DPP6: variants seen among roughly 807,000 people sequenced by gnomAD.
The protein encoded by DPP6 is A-type potassium channel modulatory protein DPP6.
A neutral mutation model predicts 122.6 loss-of-function variants in DPP6; 69 were observed. That is an observed-to-expected ratio of 0.56 (90% CI 0.46 to 0.69). The LOEUF (loss-of-function observed/expected upper bound fraction) is 0.69. Among genes scored for constraint, DPP6 ranks in the 30% least tolerant of loss-of-function variants. DPP6 has a pLI of 0.00. For missense variants in DPP6, 928 were observed against 1,116.9 expected (o/e 0.83, Z 2.41); for synonymous variants, 418 against 433.1 (o/e 0.97, Z 0.43).
chr7:154,437,719 T>G (rs1199464957), intron 1 of DPP6, among the ~76,000 whole-genome samples: 3 of 152,184 alleles, frequency 2.0e-5, no homozygotes, highest in Non-Finnish European at 4.4e-5. Flanking sequence ...GCGGATCCCT[T>G]GAGTCCAGGA....
chr7:153,949,374 C>A (rs78828062), intron 1 of DPP6, among the ~76,000 whole-genome samples: 2,449 of 152,278 alleles, frequency 0.016, 68 homozygotes, highest in African/African-American at 0.056. Context: ...CAGCTCAATC[C>A]ATTTCTTTCC....
At chr7:154,696,286 G>A (rs1211140231) in intron 7 of DPP6, among the ~76,000 whole-genome samples, 1 of 152,202 alleles carries the variant, frequency 6.6e-6, no homozygotes, top group African/African-American at 2.4e-5. Flanking sequence ...TACCCCTGGG[G>A]TGATGAGGAT....
At chr7:154,721,639 A>G (rs186054026) in intron 7 of DPP6, among the ~76,000 whole-genome samples, 79 of 152,344 alleles carry the variant, frequency 5.2e-4, no homozygotes, top group Middle Eastern at 6.8e-3. Context: ...AGAAAAAATA[A>G]AAAGAAGTAG....
intron 1 of DPP6, among the ~76,000 whole-genome samples, chr7:154,029,858 TAAAGAAA>T (rs1447243655): frequency 2.1e-5 from 3 of 141,022 alleles, no homozygotes. Context: ...AAAAAAAAAG[TAAAGAAA>T]AAAGAAAAAA....
At chr7:154,022,529 G>T (rs949896899) in intron 1 of DPP6, among the ~76,000 whole-genome samples, 1 of 152,222 alleles carries the variant, frequency 6.6e-6, no homozygotes, top group Non-Finnish European at 1.5e-5. Flanking sequence ...AGAGTTTTAG[G>T]CAATGCCTAA....
At chr7:154,207,753 C>A (rs923754482) in intron 1 of DPP6, among the ~76,000 whole-genome samples, 1 of 152,120 alleles carries the variant, frequency 6.6e-6, no homozygotes, top group Non-Finnish European at 1.5e-5. Flanking sequence ...GAAGCAGAAC[C>A]CAGAGAATCT....
At chr7:153,879,741 C>T in the DPP6 span, among the ~76,000 whole-genome samples, 8 of 152,224 alleles carry the variant, frequency 5.3e-5, no homozygotes, top group South Asian at 4.1e-4. Flanking sequence ...TTCTATAACT[C>T]GTTGTAAACA....
chr7:154,160,532 A>ACTT (rs1320007351), intron 1 of DPP6, among the ~76,000 whole-genome samples: 9 of 152,208 alleles, frequency 5.9e-5, no homozygotes, highest in Non-Finnish European at 1.0e-4. Flanking sequence ...CTCATGGGAC[A>ACTT]CTTGGGTTAT....
intron 8 of DPP6, among the ~76,000 whole-genome samples, chr7:154,763,193 G>A (rs1302368591): frequency 2.0e-5 from 3 of 152,186 alleles, no homozygotes; most frequent in Non-Finnish European, 4.4e-5. Context: ...TTAGCTGGGT[G>A]TGGTGGCGGG....
chr7:154,718,660 AC>A (rs1316894461), intron 7 of DPP6, among the ~76,000 whole-genome samples: 7 of 103,846 alleles, frequency 6.7e-5, no homozygotes, highest in African/African-American at 2.9e-4. Context: ...TTTTTTTGAG[AC>A]TGAGTTTTGC....
At chr7:153,771,160 T>C in the DPP6 span, among the ~76,000 whole-genome samples, 1 of 152,098 alleles carries the variant, frequency 6.6e-6, no homozygotes, top group African/African-American at 2.4e-5. Context: ...CCAATATAAG[T>C]GCATTTGTGT....
At chr7:154,012,730 C>T (rs112797497) in intron 1 of DPP6, among the ~76,000 whole-genome samples, 1,869 of 152,210 alleles carry the variant, frequency 0.012, 39 homozygotes, top group African/African-American at 0.042. Flanking sequence ...TTACTGAAAC[C>T]ATCATCTCTT....
chr7:154,239,230 T>G (rs1173981469), intron 1 of DPP6, among the ~76,000 whole-genome samples: 5 of 152,230 alleles, frequency 3.3e-5, no homozygotes, highest in Admixed American at 6.5e-5. Flanking sequence ...AGGTCTTGCA[T>G]TTTCAAGAAA....
At chr7:154,014,637 G>T (rs1798313048) in intron 1 of DPP6, among the ~76,000 whole-genome samples, 1 of 152,030 alleles carries the variant, frequency 6.6e-6, no homozygotes, top group South Asian at 2.1e-4. Flanking sequence ...ACTCGAGCCT[G>T]GGTGACAGAG....
intron 5 of DPP6, among the ~76,000 whole-genome samples, chr7:154,622,511 G>T (rs1834758059): frequency 2.6e-5 from 4 of 152,154 alleles, no homozygotes. Flanking sequence ...AATTACTCCG[G>T]AAGTCCTGGC....
Position 154,821,256 on chromosome 7 carries a change from T to A in DPP6, c.1666+14144T>A, listed in dbSNP as rs566544318. The stretch of plus-strand genomic sequence containing the variant: ...AGGTCTTTATAGCACACATTTTTAA[T>A]CTTTTTCCTGATGTCTTTTCTTTTT... On this transcript the variant is annotated intron_variant, in intron 16 of 25. Coordinates refer to ENST00000377770, the MANE Select transcript of DPP6 (RefSeq NM_130797.4). The surrounding 1 kb of genome is among the most constrained non-coding windows in gnomAD (Gnocchi z 4.2). 3.9e-5 allele frequency among the ~76,000 whole-genome samples: 6 copies of A among 152,334 alleles called. No homozygotes were observed. The highest frequency in any genetic ancestry group is 5.9e-5 in the Non-Finnish European group (4 of 68,028).
chr7:154,120,830 A>G (rs1344757755), intron 1 of DPP6, among the ~76,000 whole-genome samples: 1 of 152,234 alleles, frequency 6.6e-6, no homozygotes, highest in African/African-American at 2.4e-5. Context: ...AGGGTTTTCA[A>G]CTGTTTGATT....
intron 1 of DPP6, among the ~76,000 whole-genome samples, chr7:154,027,544 C>T (rs1454777803): frequency 6.6e-6 from 1 of 152,108 alleles, no homozygotes; most frequent in Admixed American, 6.5e-5. Context: ...TTATTCTCAC[C>T]ACCTAATCAC....
At chr7:153,765,219 G>A in the DPP6 span, among the ~76,000 whole-genome samples, 1 of 151,950 alleles carries the variant, frequency 6.6e-6, no homozygotes, top group Non-Finnish European at 1.5e-5. Flanking sequence ...GGGACACTTG[G>A]CAACCATTTT....
Sources: gnomAD v4.1 joint callset for allele counts (sites outside exome capture counted in the v4.1 genomes callset) on GRCh38, gnomAD v4.1.1 for gene constraint, Gnocchi (gnomAD v3.1) non-coding constraint, MANE v1.5 for transcripts, NCBI Gene and HGNC (gene_info 2026-07-23, HGNC 2026-07-21) for gene names.